Variants in OPCML observed in about 807,000 individuals in gnomAD.
OPCML encodes opioid-binding protein/cell adhesion molecule.
Under a neutral mutation model 37.8 loss-of-function variants are expected in OPCML, and 13 were observed. The observed-to-expected ratio is 0.34, with a 90% CI of 0.22 to 0.55. The LOEUF is 0.55. Among genes scored for constraint, OPCML ranks in the 20% least tolerant of loss-of-function variants. The pLI is 0.91. For missense variants in OPCML, 341 were observed against 435.6 expected (o/e 0.78, Z 1.93); for synonymous variants, 176 against 168.8 (o/e 1.04, Z -0.33).
intron 1 of OPCML, among the ~76,000 whole-genome samples, chr11:133,207,312 C>T (rs1349878384): frequency 2.6e-5 from 4 of 151,794 alleles, no homozygotes; most frequent in Admixed American, 2.6e-4. Context: ...AAACAAAAAA[C>T]AAACAAACAA....
rs144567030 is a variant in OPCML, at chr11:132,676,531, T to C, written c.147-19212A>G. ...AATGAGATAAAATATTTGCCAATTATATATCTGATAAGTGACTTGTTTCTT... is the reference window on the plus strand; with the variant it reads ...AATGAGATAAAATATTTGCCAATTACATATCTGATAAGTGACTTGTTTCTT... On this transcript the variant is annotated intron_variant, in intron 2 of 7. Coordinates refer to ENST00000524381, the MANE Select transcript of OPCML (RefSeq NM_001012393.5). Among the ~76,000 whole-genome samples, 570 of 152,034 alleles carry C rather than the reference T, an allele frequency of 3.7e-3. 2 individuals are homozygous for C. Among genetic ancestry groups the C allele is most frequent in the African/African-American group, 0.013 (546 of 41,550 alleles).
chr11:133,433,201 G>A lies in OPCML; in HGVS notation c.61+99063C>T, dbSNP rs549156590. ...CGGGAGGCGGAGCTTGCAGTGAGCCGAGATCCCGCCACTGCACTCCAGCCT... is the reference window on the plus strand; with the variant it reads ...CGGGAGGCGGAGCTTGCAGTGAGCCAAGATCCCGCCACTGCACTCCAGCCT... On this transcript the variant is annotated intron_variant, in intron 1 of 7. Transcript: ENST00000524381. Among the ~76,000 whole-genome samples the A allele has an allele frequency of 3.5e-5, 5 of 141,678 alleles. No homozygotes were observed. In the South Asian group the frequency reaches 6.4e-4, roughly 18 times the overall value. 92.9% of individuals were successfully genotyped at this position (141,678 alleles called of 152,430 possible).
At chr11:133,401,318 A>AATCCAT (rs1198860136) in intron 1 of OPCML, among the ~76,000 whole-genome samples, 1 of 152,200 alleles carries the variant, frequency 6.6e-6, no homozygotes, top group Non-Finnish European at 1.5e-5. Flanking sequence ...AAGGGCAGAA[A>AATCCAT]ATCCATATGT....
chr11:133,008,015 C>G, intron 1 of OPCML: 2 of 985,430 alleles, frequency 2.0e-6, no homozygotes, highest in Non-Finnish European at 2.4e-6. Flanking sequence ...ATTGCAGGTG[C>G]TGTGTCAAGA....
chr11:133,062,192 C>T (rs1240340860), intron 1 of OPCML, among the ~76,000 whole-genome samples: 2 of 152,198 alleles, frequency 1.3e-5, no homozygotes, highest in African/African-American at 4.8e-5. Context: ...TTGCATCAGA[C>T]TCCACCCGTA....
intron 1 of OPCML, among the ~76,000 whole-genome samples, chr11:133,384,266 G>GAAA (rs1311468159): frequency 2.0e-4 from 7 of 35,390 alleles, no homozygotes; most frequent in African/African-American, 6.0e-4. Flanking sequence ...AAAAAAAAAA[G>GAAA]AAAAGAAAAG....
At chr11:132,846,207 G>A (rs529844037) in intron 2 of OPCML, among the ~76,000 whole-genome samples, 4 of 152,288 alleles carry the variant, frequency 2.6e-5, no homozygotes, top group South Asian at 2.1e-4. Context: ...AGGCTTACAA[G>A]TTTTACAGCC....
intron 2 of OPCML, among the ~76,000 whole-genome samples, chr11:132,668,584 C>T (rs969199483): frequency 2.0e-5 from 3 of 152,134 alleles, no homozygotes; most frequent in Non-Finnish European, 4.4e-5. Flanking sequence ...AGCACTGTTG[C>T]CTCATCTGGA....
At chr11:132,766,843 GAAT>G (rs1231326932) in intron 2 of OPCML, among the ~76,000 whole-genome samples, 1 of 152,052 alleles carries the variant, frequency 6.6e-6, no homozygotes, top group Admixed American at 6.6e-5. Context: ...GGAAAATTCT[GAAT>G]AATAACTGCA....
chr11:133,495,059 C>T (rs185280817), intron 1 of OPCML, among the ~76,000 whole-genome samples: 39 of 151,428 alleles, frequency 2.6e-4, no homozygotes, highest in African/African-American at 8.7e-4. Context: ...TTGCCCCCTG[C>T]CACTCTTTCC....
chr11:132,830,068 G>A (rs528718271), intron 2 of OPCML, among the ~76,000 whole-genome samples: 16 of 152,228 alleles, frequency 1.1e-4, no homozygotes, highest in African/African-American at 3.4e-4. Context: ...TGCAATAGCC[G>A]AATAGAATCT....
In OPCML at chr11:133,212,271, G is replaced by A. The variant is rs149847561; in HGVS notation, c.62-269261C>T. ...GTGCACAAAGTCCTCCTAATAGTCC[G>A]TGACAGCCTACACAGCTGGGCATCA... On this transcript the variant is annotated intron_variant, in intron 1 of 7. Transcript: ENST00000524381. This position sits in a 1 kb window ranked among gnomAD's most constrained non-coding sequence, Gnocchi z 4.9. Among the ~76,000 whole-genome samples, 150 of 152,240 alleles carry A rather than the reference G, an allele frequency of 9.9e-4. 1 individual carries two copies. Among genetic ancestry groups the A allele is most frequent in the African/African-American group, 3.1e-3 (130 of 41,536 alleles).
At chr11:132,721,168 A>G (rs1944660328) in intron 2 of OPCML, among the ~76,000 whole-genome samples, 1 of 152,152 alleles carries the variant, frequency 6.6e-6, no homozygotes, top group Admixed American at 6.5e-5. Flanking sequence ...TGGAGACACA[A>G]AGCTGAGAAA....
At chr11:133,071,629 G>T (rs1040990910) in intron 1 of OPCML, among the ~76,000 whole-genome samples, 1 of 152,192 alleles carries the variant, frequency 6.6e-6, no homozygotes, top group Non-Finnish European at 1.5e-5. Flanking sequence ...TTTCCCAAAT[G>T]TAAATGTAGA....
chr11:132,791,957 A>T (rs2136181038), intron 2 of OPCML, among the ~76,000 whole-genome samples: 1 of 152,262 alleles, frequency 6.6e-6, no homozygotes, highest in South Asian at 2.1e-4. Context: ...ATGGGCGCCC[A>T]TTTTGTGAAA....
intron 1 of OPCML, among the ~76,000 whole-genome samples, chr11:133,196,067 C>A (rs990333006): frequency 6.6e-6 from 1 of 152,156 alleles, no homozygotes; most frequent in Admixed American, 6.5e-5. Context: ...TATTCACGAG[C>A]TGCTGAGATC....
rs898453245 is a variant in OPCML, at chr11:133,007,175, G to A, written c.62-64165C>T. The A allele has an allele frequency of 1.3e-5, 13 of 985,218 alleles. 1 individual carries two copies. In the African/African-American group the frequency reaches 2.1e-4, roughly 16 times the overall value. The allele number at this position is 985,218 out of a possible 1,614,324, so 61.0% of individuals were successfully genotyped here. A position where few individuals can be genotyped will look rare whatever the true frequency, so the allele number is the denominator to read the frequency against. On this transcript the variant is annotated intron_variant, in intron 1 of 7. Coordinates refer to ENST00000524381, the MANE Select transcript of OPCML (RefSeq NM_001012393.5). ...TACATGCCCACAGATTGTGGCCTTG[G>A]GGACTCTGTCTCACATAGCACAGTA...
At chr11:132,878,991 G>A (rs1178428512) in intron 2 of OPCML, among the ~76,000 whole-genome samples, 1 of 152,142 alleles carries the variant, frequency 6.6e-6, no homozygotes, top group African/African-American at 2.4e-5. Context: ...CCATGCACCA[G>A]GCTGAAATCA....
rs944753543 is a variant in OPCML at position 132,417,256 on chromosome 11, T to G, written c.*2937A>C. 6.6e-6 allele frequency: 1 copy of G among 152,172 alleles called. No individual in the cohort carries two copies. The highest frequency in any genetic ancestry group is 1.5e-5 in the Non-Finnish European group (1 of 68,042). The allele number at this position is 152,172 out of a possible 1,614,324, so 9.4% of individuals were successfully genotyped here. ...TGTTGTTCTATATGCTTCAAAATGA[T>G]GGGTGACAGCCACTCTCCCATGAAG... is the stretch of plus-strand genomic sequence containing the variant. On this transcript the variant is annotated 3_prime_UTR_variant, in exon 8 of 8. Transcript: ENST00000524381.
Sources: allele counts gnomAD v4.1 joint callset (sites outside exome capture counted in the v4.1 genomes callset), GRCh38; gene constraint gnomAD v4.1.1; non-coding constraint Gnocchi (gnomAD v3.1); transcripts MANE v1.5; gene names NCBI Gene and HGNC (gene_info 2026-07-23, HGNC 2026-07-21).